The following C4orf33 variants were observed in gnomAD, a reference collection of about 807,000 sequenced individuals.
C4orf33 encodes the protein UPF0462 protein C4orf33.
A neutral mutation model predicts 24.3 loss-of-function variants in C4orf33; 20 were observed. The ratio of observed to expected loss-of-function variants is 0.82; its 90% CI spans 0.58 to 1.19. The LOEUF is 1.19. Among genes scored for constraint, C4orf33 ranks in the 50% most tolerant of loss-of-function variants. C4orf33 has a pLI of 0.00. For synonymous variants in C4orf33, 67 were observed against 76.4 expected, an observed-to-expected ratio of 0.88 and a Z score of 0.64; for missense variants, 207 against 225.9, an observed-to-expected ratio of 0.92 and a Z score of 0.54.
chr4:129,103,147 G>C (rs1753413268), intron 2 of C4orf33: 1 of 155,578 alleles, frequency 6.4e-6, no homozygotes. Flanking sequence ...AGCCTCCCTA[G>C]TAGCTGGGAC....
intron 5 of C4orf33, among the ~76,000 whole-genome samples, chr4:129,110,363 A>G (rs941206278): frequency 6.6e-6 from 1 of 152,190 alleles, no homozygotes; most frequent in African/African-American, 2.4e-5. Context: ...TGCTTTCTCA[A>G]TTTGAGTCTT....
In C4orf33 at chr4:129,113,910, C is replaced by A. The variant is rs1040396778; in HGVS notation, c.*2119C>A. 5 of 152,140 alleles carry A rather than the reference C, an allele frequency of 3.3e-5. No individual in the cohort carries two copies. The highest frequency in any genetic ancestry group is 3.3e-4 in the Admixed American group (5 of 15,272). 9.4% of individuals were successfully genotyped at this position (152,140 alleles called of 1,614,324 possible). Reference sequence around the variant, plus strand: ...GGGTAGCAAGTGGATAAAGCAATTACAGTAAGCCCTCAGCCCTTTTCTCAT... The same window carrying A: ...GGGTAGCAAGTGGATAAAGCAATTAAAGTAAGCCCTCAGCCCTTTTCTCAT... On this transcript the variant is annotated 3_prime_UTR_variant, in exon 6 of 6. Coordinates refer to ENST00000425929, the MANE Select transcript of C4orf33 (RefSeq NM_001099783.2).
intron 5 of C4orf33, among the ~76,000 whole-genome samples, chr4:129,111,383 A>G (rs556158521): frequency 1.3e-5 from 2 of 152,344 alleles, no homozygotes; most frequent in South Asian, 2.1e-4. Flanking sequence ...AGAGCATAAT[A>G]TGATTTGTTT....
chr4:129,102,908 C>A, intron 2 of C4orf33, 117 bp downstream of exon 2: 1 of 819,628 alleles, frequency 1.2e-6, no homozygotes, highest in Non-Finnish European at 1.9e-6. Context: ...TTGACATGTA[C>A]AGTTTCTGAT....
At position 129,114,911 on chromosome 4, in the gene C4orf33, G is replaced by A. The variant is rs1753749978; in HGVS notation, c.*3120G>A. 6.6e-6 allele frequency: 1 copy of A among 152,170 alleles called. No homozygotes were observed. The highest frequency in any genetic ancestry group is 1.5e-5 in the Non-Finnish European group (1 of 68,060). The allele number at this position is 152,170 out of a possible 1,614,324, so 9.4% of individuals were successfully genotyped here. The stretch of plus-strand genomic sequence containing the variant: ...TCCTTTGGTGTTTCAATGTCAAGTG[G>A]TAATCTTAAATGGGCAACTGTAGCA... On this transcript the variant is annotated 3_prime_UTR_variant, in exon 6 of 6. Coordinates refer to ENST00000425929, the MANE Select transcript of C4orf33 (RefSeq NM_001099783.2).
chr4:129,115,070 A>T lies in C4orf33; in HGVS notation c.*3279A>T, dbSNP rs953315610. The T allele has an allele frequency of 6.6e-6, 1 of 152,226 alleles. No individual in the cohort carries two copies. Among genetic ancestry groups the T allele is most frequent in the Non-Finnish European group, 1.5e-5 (1 of 68,046 alleles). The allele number at this position is 152,226 out of a possible 1,614,324, so 9.4% of individuals were successfully genotyped here. A position where few individuals can be genotyped will look rare whatever the true frequency, so the allele number is the denominator to read the frequency against. ...ATGTGAGAGAAATACAGAATTTGTG[A>T]TGGAAGAGAGAGATGATAACTATCA... is the stretch of plus-strand genomic sequence containing the variant. On this transcript the variant is annotated 3_prime_UTR_variant, in exon 6 of 6. Coordinates refer to ENST00000425929, the MANE Select transcript of C4orf33 (RefSeq NM_001099783.2).
intron 2 of C4orf33, among the ~76,000 whole-genome samples, chr4:129,103,343 G>A (rs1190218849): frequency 3.3e-5 from 5 of 151,922 alleles, no homozygotes; most frequent in Non-Finnish European, 5.9e-5. Context: ...TTTTATTGCT[G>A]CCTTATTTTC....
intron 1 of C4orf33, among the ~76,000 whole-genome samples, chr4:129,098,314 C>A (rs1753259211): frequency 6.6e-6 from 1 of 152,016 alleles, no homozygotes; most frequent in Non-Finnish European, 1.5e-5. Context: ...TCAACCCTTG[C>A]CCCTTTCTTC....
Position 129,116,509 on chromosome 4 carries a change from T to C in C4orf33, c.*4718T>C, listed in dbSNP as rs986964384. The C allele has an allele frequency of 6.6e-6, 1 of 152,214 alleles. No homozygotes were observed. Among genetic ancestry groups the C allele is most frequent in the Admixed American group, 6.5e-5 (1 of 15,272 alleles). The allele number at this position is 152,214 out of a possible 1,614,324, so 9.4% of individuals were successfully genotyped here. Reference sequence around the variant, plus strand: ...ATAGTACACTGAAAGCCCATGTTTGTAATAATGCCCTAAAGCACTGCAGTA... The same window carrying C: ...ATAGTACACTGAAAGCCCATGTTTGCAATAATGCCCTAAAGCACTGCAGTA... On this transcript the variant is annotated 3_prime_UTR_variant, in exon 6 of 6. Transcript: ENST00000425929.
At chr4:129,103,378 T>C (rs1356071626) in intron 2 of C4orf33, among the ~76,000 whole-genome samples, 2 of 152,164 alleles carry the variant, frequency 1.3e-5, no homozygotes, top group Non-Finnish European at 2.9e-5. Context: ...TTACCTATGC[T>C]GAGAAGAGTT....
In C4orf33 at chr4:129,115,830, A is replaced by ATATATAT. The variant is rs61233857; in HGVS notation, c.*4039_*4040insTATATAT. On this transcript the variant is annotated 3_prime_UTR_variant, in exon 6 of 6. Coordinates refer to ENST00000425929, the MANE Select transcript of C4orf33 (RefSeq NM_001099783.2). ...TATATATATATATATATATATATATAAAATATATATGTTTATATATAACAT... is the reference window on the plus strand; with the variant it reads ...TATATATATATATATATATATATATATATATATAAATATATATGTTTATATATAACAT... 4 of 41,508 alleles carry ATATATAT rather than the reference A, an allele frequency of 9.6e-5. No homozygotes were observed. The highest frequency in any genetic ancestry group is 2.4e-3 in the South Asian group (2 of 846). 2.6% of individuals were successfully genotyped at this position (41,508 alleles called of 1,614,324 possible).
chr4:129,108,565 C>T (rs752839791), intron 3 of C4orf33, among the ~76,000 whole-genome samples: 10 of 152,136 alleles, frequency 6.6e-5, no homozygotes, highest in Non-Finnish European at 8.8e-5. Context: ...TCCTAATGAG[C>T]TACCAGATAG....
Position 129,113,321 on chromosome 4 carries a change from A to G in C4orf33, c.*1530A>G, listed in dbSNP as rs1216190065. On this transcript the variant is annotated 3_prime_UTR_variant, in exon 6 of 6. Coordinates refer to ENST00000425929, the MANE Select transcript of C4orf33 (RefSeq NM_001099783.2). The stretch of plus-strand genomic sequence containing the variant: ...GGCATTTCCTTTTCTTCCAATACCA[A>G]GCAAGCAAAAATACATTATATAAAC... 1 of 152,158 alleles carries G rather than the reference A, an allele frequency of 6.6e-6. No individual in the cohort carries two copies. Among genetic ancestry groups the G allele is most frequent in the East Asian group, 1.9e-4 (1 of 5,192 alleles). 9.4% of individuals were successfully genotyped at this position (152,158 alleles called of 1,614,324 possible).
intron 1 of C4orf33, among the ~76,000 whole-genome samples, chr4:129,096,458 T>G (rs1753210750): frequency 6.6e-6 from 1 of 152,178 alleles, no homozygotes; most frequent in Non-Finnish European, 1.5e-5. Context: ...AAAGAAATTT[T>G]TGTTGAGCAG....
chr4:129,098,335 C>G (rs1200903721), intron 1 of C4orf33, among the ~76,000 whole-genome samples: 1 of 152,126 alleles, frequency 6.6e-6, no homozygotes, highest in Admixed American at 6.5e-5. Flanking sequence ...CCTCCCCCCT[C>G]TAGTAGTCCC....
intron 3 of C4orf33, among the ~76,000 whole-genome samples, chr4:129,108,273 T>C (rs1474457703): frequency 6.6e-6 from 1 of 152,206 alleles, no homozygotes; most frequent in Non-Finnish European, 1.5e-5. Context: ...AATGTTTTAA[T>C]ATATAGGTTT....
chr4:129,102,473 A>G (rs1753384381), intron 1 of C4orf33, 129 bp from the exon 2 acceptor site: 2 of 631,670 alleles, frequency 3.2e-6, no homozygotes, highest in Admixed American at 3.2e-5. Flanking sequence ...TTTGACTCCC[A>G]GGACTGTGCT....
rs1272407448 is a variant in C4orf33 at position 129,116,604 on chromosome 4, C to T, written c.*4813C>T. Reference sequence around the variant, plus strand: ...ACCAAACTGTAAATTGAAGTCTGAGCATTCAGAGAAATAAAAATTATGCTA... The same window carrying T: ...ACCAAACTGTAAATTGAAGTCTGAGTATTCAGAGAAATAAAAATTATGCTA... On this transcript the variant is annotated 3_prime_UTR_variant, in exon 6 of 6. Transcript: ENST00000425929. The T allele has an allele frequency of 2.0e-5, 3 of 152,088 alleles. No individual in the cohort carries two copies. The highest frequency in any genetic ancestry group is 7.2e-5 in the African/African-American group (3 of 41,434). 9.4% of individuals were successfully genotyped at this position (152,088 alleles called of 1,614,324 possible).
At chr4:129,098,485 G>A (rs1008093761) in intron 1 of C4orf33, among the ~76,000 whole-genome samples, 1 of 152,188 alleles carries the variant, frequency 6.6e-6, no homozygotes, top group African/African-American at 2.4e-5. Context: ...ATCCATGTTA[G>A]TTTTGCTATA....
Sources: gnomAD v4.1 joint callset for allele counts (sites outside exome capture counted in the v4.1 genomes callset) on GRCh38, gnomAD v4.1.1 for gene constraint, MANE v1.5 for transcripts, NCBI Gene and HGNC (gene_info 2026-07-23, HGNC 2026-07-21) for gene names.